Variants in CSNK2A2IP observed in about 807,000 individuals in gnomAD.
CSNK2A2IP encodes the protein casein kinase II subunit alpha'-interacting protein.
chr3:88,345,280 TA>T, the CSNK2A2IP span, among the ~76,000 whole-genome samples: 1 of 152,070 alleles, frequency 6.6e-6, no homozygotes, highest in African/African-American at 2.4e-5. Context: ...GCTTGCCACT[TA>T]ATTCATGTTA....
At chr3:88,422,769 C>T in the CSNK2A2IP span, among the ~76,000 whole-genome samples, 7 of 152,120 alleles carry the variant, frequency 4.6e-5, no homozygotes, top group African/African-American at 7.2e-5. Context: ...TTTACCTCCT[C>T]GTTTCCTTTT....
chr3:88,402,698 C>T, the CSNK2A2IP span, among the ~76,000 whole-genome samples: 38 of 149,258 alleles, frequency 2.5e-4, no homozygotes, highest in Admixed American at 5.3e-4. Flanking sequence ...TATATTTGCA[C>T]GTAAAGAGTA....
chr3:88,399,869 C>T, the CSNK2A2IP span: 2 of 152,168 alleles, frequency 1.3e-5, no homozygotes, highest in African/African-American at 4.8e-5. Context: ...CTGAATCTTG[C>T]CTTGAGGCAT....
the CSNK2A2IP span, among the ~76,000 whole-genome samples, chr3:88,387,218 GT>G: frequency 6.9e-6 from 1 of 145,334 alleles, no homozygotes; most frequent in Non-Finnish European, 1.5e-5. Flanking sequence ...CTGGAGTGCA[GT>G]TTCAGGATCT....
chr3:88,405,276 T>C, the CSNK2A2IP span, among the ~76,000 whole-genome samples: 3 of 152,166 alleles, frequency 2.0e-5, no homozygotes, highest in Non-Finnish European at 4.4e-5. Flanking sequence ...TCCTGAATAA[T>C]TTTTTCTTTA....
the CSNK2A2IP span, among the ~76,000 whole-genome samples, chr3:88,377,538 C>T: frequency 6.6e-6 from 1 of 151,416 alleles, no homozygotes. Flanking sequence ...AACCATGTTG[C>T]ATTCTGTTGA....
At chr3:88,411,379 GTCTATCTA>G in the CSNK2A2IP span, among the ~76,000 whole-genome samples, 15,433 of 143,542 alleles carry the variant, frequency 0.11, 1,013 homozygotes, top group East Asian at 0.23. Context: ...CTATCTATCT[GTCTATCTA>G]TCTATCTATC....
the CSNK2A2IP span, among the ~76,000 whole-genome samples, chr3:88,394,579 G>A: frequency 6.6e-6 from 1 of 152,126 alleles, no homozygotes; most frequent in Non-Finnish European, 1.5e-5. Flanking sequence ...TCACCATTTT[G>A]GCTAGGCTGG....
At chr3:88,387,279 A>G in the CSNK2A2IP span, among the ~76,000 whole-genome samples, 2 of 150,702 alleles carry the variant, frequency 1.3e-5, no homozygotes, top group South Asian at 4.2e-4. Flanking sequence ...CTCCTGCCTC[A>G]GCCCCCCGAG....
chr3:88,423,012 T>G, the CSNK2A2IP span, among the ~76,000 whole-genome samples: 1 of 152,192 alleles, frequency 6.6e-6, no homozygotes, highest in Non-Finnish European at 1.5e-5. Context: ...ATTGTCATCC[T>G]CCTGATCCTT....
chr3:88,372,196 A>C, the CSNK2A2IP span, among the ~76,000 whole-genome samples: 3 of 151,840 alleles, frequency 2.0e-5, no homozygotes, highest in South Asian at 6.2e-4. Flanking sequence ...TTATATGGTT[A>C]AGTTTATAAC....
the CSNK2A2IP span, among the ~76,000 whole-genome samples, chr3:88,464,618 CTT>C: frequency 1.3e-5 from 2 of 152,002 alleles, no homozygotes; most frequent in African/African-American, 4.8e-5. Context: ...ATGCGATAGA[CTT>C]TTGGAAGTAA....
chr3:88,464,583 G>T, the CSNK2A2IP span, among the ~76,000 whole-genome samples: 1 of 152,010 alleles, frequency 6.6e-6, no homozygotes, highest in African/African-American at 2.4e-5. Context: ...CAATGCTGCA[G>T]TGGTGACAAA....
chr3:88,444,146 A>G, the CSNK2A2IP span, among the ~76,000 whole-genome samples: 2 of 152,158 alleles, frequency 1.3e-5, no homozygotes, highest in Non-Finnish European at 2.9e-5. Flanking sequence ...CCAAAAGTTA[A>G]TGTACCTCTG....
the CSNK2A2IP span, among the ~76,000 whole-genome samples, chr3:88,427,715 T>C: frequency 6.6e-6 from 1 of 152,138 alleles, no homozygotes; most frequent in Admixed American, 6.5e-5. Context: ...TGTGGGTGCA[T>C]GGAAGTCAAG....
At chr3:88,451,288 A>ATGTGAAAT in the CSNK2A2IP span, among the ~76,000 whole-genome samples, 1 of 152,072 alleles carries the variant, frequency 6.6e-6, no homozygotes, top group African/African-American at 2.4e-5. Flanking sequence ...TCTCAGTTAT[A>ATGTGAAAT]TGTGAAATTA....
the CSNK2A2IP span, among the ~76,000 whole-genome samples, chr3:88,405,284 T>G: frequency 3.9e-5 from 6 of 152,194 alleles, no homozygotes; most frequent in African/African-American, 1.4e-4. Context: ...AATTTTTTCT[T>G]TAACAGGATC....
the CSNK2A2IP span, among the ~76,000 whole-genome samples, chr3:88,430,526 A>G: frequency 6.6e-6 from 1 of 152,150 alleles, no homozygotes; most frequent in African/African-American, 2.4e-5. Context: ...TCCATAGGAT[A>G]AATTGATCAA....
the CSNK2A2IP span, among the ~76,000 whole-genome samples, chr3:88,413,454 TATGA>T: frequency 4.1e-4 from 63 of 152,168 alleles, no homozygotes; most frequent in African/African-American, 1.3e-3. Context: ...TAAATAATAC[TATGA>T]TTGTTAATAT....
Sources: allele counts gnomAD v4.1 joint callset (sites outside exome capture counted in the v4.1 genomes callset), GRCh38; gene constraint gnomAD v4.1.1; transcripts MANE v1.5; gene names NCBI Gene and HGNC (gene_info 2026-07-23, HGNC 2026-07-21).